The following PTPRK variants were observed in gnomAD, a reference collection of about 807,000 sequenced individuals.
PTPRK encodes receptor-type tyrosine-protein phosphatase kappa.
Under a neutral mutation model 178.0 loss-of-function variants are expected in PTPRK, and 75 were observed. That is an observed-to-expected ratio of 0.42 (90% CI 0.35 to 0.51). The LOEUF is 0.51. Among genes scored for constraint, PTPRK ranks in the 20% least tolerant of loss-of-function variants. The probability of loss-of-function intolerance (pLI) is 0.02; values close to 1 mark genes in which losing one functional copy is unlikely to be tolerated. For synonymous variants in PTPRK, 637 were observed against 620.6 expected (o/e 1.03, Z -0.39); for missense variants, 1,441 against 1,797.8 (o/e 0.80, Z 3.59).
At chr6:128,340,355 G>C (rs376995923) in intron 2 of PTPRK, among the ~76,000 whole-genome samples, 16 of 152,276 alleles carry the variant, frequency 1.1e-4, no homozygotes, top group African/African-American at 3.9e-4. Flanking sequence ...ATTTCTTTCA[G>C]ACACCAGTCT....
chr6:128,402,241 T>TTTA (rs1841114683), intron 1 of PTPRK, among the ~76,000 whole-genome samples: 1 of 152,058 alleles, frequency 6.6e-6, no homozygotes, highest in African/African-American at 2.4e-5. Flanking sequence ...AAATTAATGG[T>TTTA]TTTGTTTGTT....
intron 5 of PTPRK, among the ~76,000 whole-genome samples, chr6:128,239,727 TATC>T (rs948033881): frequency 4.6e-5 from 7 of 152,182 alleles, no homozygotes; most frequent in Non-Finnish European, 1.0e-4. Context: ...TAAGAAAAAA[TATC>T]ATTCTTATTC....
At chr6:128,419,846 G>A (rs1365752236) in intron 1 of PTPRK, among the ~76,000 whole-genome samples, 1 of 152,140 alleles carries the variant, frequency 6.6e-6, no homozygotes, top group East Asian at 1.9e-4. Context: ...AAGAGTATCT[G>A]TTCCTCTAAA....
chr6:128,425,387 G>A (rs935917562), intron 1 of PTPRK, among the ~76,000 whole-genome samples: 1 of 151,896 alleles, frequency 6.6e-6, no homozygotes, highest in Non-Finnish European at 1.5e-5. Flanking sequence ...CCAATGTGTA[G>A]TCTTTTATCC....
chr6:128,487,250 C>T (rs1436796185), intron 1 of PTPRK, among the ~76,000 whole-genome samples: 1 of 149,254 alleles, frequency 6.7e-6, no homozygotes, highest in Non-Finnish European at 1.5e-5. Context: ...AGGAACCCAC[C>T]TCCTGGATAA....
chr6:128,335,686 G>C (rs1830824055), intron 2 of PTPRK, among the ~76,000 whole-genome samples: 1 of 151,908 alleles, frequency 6.6e-6, no homozygotes, highest in South Asian at 2.1e-4. Flanking sequence ...ATATAAAAAA[G>C]TAAAAGCGAA....
At chr6:128,136,596 A>C (rs1042838422) in intron 7 of PTPRK, among the ~76,000 whole-genome samples, 2 of 152,166 alleles carry the variant, frequency 1.3e-5, no homozygotes, top group African/African-American at 4.8e-5. Context: ...ATCTGGTATA[A>C]AATTCTTGGC....
intron 6 of PTPRK, among the ~76,000 whole-genome samples, chr6:128,192,024 G>A (rs3813373): frequency 0.1 from 15,287 of 152,104 alleles, 1,467 homozygotes; most frequent in East Asian, 0.35. Context: ...ACTGATAACA[G>A]TATTTTTGGA....
intron 29 of PTPRK, among the ~76,000 whole-genome samples, chr6:127,971,975 C>A (rs1289828643): frequency 6.6e-6 from 1 of 152,092 alleles, no homozygotes; most frequent in African/African-American, 2.4e-5. Context: ...TAGCCAGCAC[C>A]CCAATCAAAA....
intron 8 of PTPRK, among the ~76,000 whole-genome samples, chr6:128,088,255 G>GT (rs1417636494): frequency 1.3e-5 from 2 of 151,984 alleles, no homozygotes; most frequent in East Asian, 3.9e-4. Flanking sequence ...GCAGGTGCCT[G>GT]TAATCCCAGC....
intron 13 of PTPRK, among the ~76,000 whole-genome samples, chr6:128,045,841 A>T (rs895899402): frequency 1.3e-5 from 2 of 152,086 alleles, no homozygotes; most frequent in Non-Finnish European, 2.9e-5. Flanking sequence ...CTTCATTTCA[A>T]TAAGAAATTT....
intron 3 of PTPRK, among the ~76,000 whole-genome samples, chr6:128,293,581 G>C (rs927300544): frequency 6.6e-6 from 1 of 151,908 alleles, no homozygotes; most frequent in African/African-American, 2.4e-5. Flanking sequence ...AATTGGACTG[G>C]GATTTCTAAG....
At chr6:128,396,892 G>A (rs1240734767) in intron 2 of PTPRK, among the ~76,000 whole-genome samples, 1 of 152,098 alleles carries the variant, frequency 6.6e-6, no homozygotes, top group Non-Finnish European at 1.5e-5. Context: ...CAGCTACTCA[G>A]GAGGCTAAGG....
intron 21 of PTPRK, among the ~76,000 whole-genome samples, chr6:127,989,990 A>G (rs1776420348): frequency 6.6e-6 from 1 of 152,118 alleles, no homozygotes; most frequent in African/African-American, 2.4e-5. Flanking sequence ...CACTGTTACT[A>G]TATTTCACTT....
At chr6:128,457,432 T>C (rs761521080) in intron 1 of PTPRK, among the ~76,000 whole-genome samples, 47 of 152,180 alleles carry the variant, frequency 3.1e-4, no homozygotes, top group Non-Finnish European at 6.2e-4. Context: ...ATTGAGTAAG[T>C]TGAAGAGACA....
At chr6:128,396,947 G>A (rs182116046) in intron 2 of PTPRK, among the ~76,000 whole-genome samples, 1 of 152,256 alleles carries the variant, frequency 6.6e-6, no homozygotes, top group Non-Finnish European at 1.5e-5. Flanking sequence ...GCAGTGAGCA[G>A]AGATCAGGCC....
At chr6:128,436,771 C>T (rs1232332246) in intron 1 of PTPRK, among the ~76,000 whole-genome samples, 2 of 152,044 alleles carry the variant, frequency 1.3e-5, no homozygotes, top group Non-Finnish European at 2.9e-5. Context: ...TAAGATTTTG[C>T]TTTGAGTTAT....
intron 7 of PTPRK, among the ~76,000 whole-genome samples, chr6:128,117,015 G>A (rs1038867564): frequency 1.3e-5 from 2 of 151,934 alleles, no homozygotes; most frequent in African/African-American, 2.4e-5. Flanking sequence ...GCATGGTGGC[G>A]GGTGCCTGTA....
intron 6 of PTPRK, among the ~76,000 whole-genome samples, chr6:128,193,462 G>A (rs966885498): frequency 4.7e-5 from 7 of 150,110 alleles, no homozygotes; most frequent in Admixed American, 6.6e-5. Flanking sequence ...GTATATAATT[G>A]TACTAATACT....
Sources: gnomAD v4.1 joint callset for allele counts (sites outside exome capture counted in the v4.1 genomes callset) on GRCh38, gnomAD v4.1.1 for gene constraint, MANE v1.5 for transcripts, NCBI Gene and HGNC (gene_info 2026-07-23, HGNC 2026-07-21) for gene names.